The following LMBRD1 variants were observed in gnomAD, a reference collection of about 807,000 sequenced individuals.
The protein encoded by LMBRD1 is lysosomal cobalamin transport escort protein LMBD1.
In LMBRD1, 64 loss-of-function variants were observed where a neutral mutation model predicts 74.8. The observed-to-expected ratio is 0.86, with a 90% CI of 0.70 to 1.05. The LOEUF (loss-of-function observed/expected upper bound fraction) is 1.05, where lower values mean the gene tolerates loss of function less well. Among genes scored for constraint, LMBRD1 ranks in the 50% least tolerant of loss-of-function variants. The pLI, the probability that LMBRD1 is intolerant of heterozygous loss-of-function variation, is 0.00. For missense variants in LMBRD1, 652 were observed against 645.9 expected, an observed-to-expected ratio of 1.01 and a Z score of -0.10; for synonymous variants, 204 against 216.3, an observed-to-expected ratio of 0.94 and a Z score of 0.50.
chr6:69,682,100 G>A (rs12175229), intron 14 of LMBRD1, among the ~76,000 whole-genome samples: 51,041 of 151,250 alleles, frequency 0.34, 9,653 homozygotes, highest in East Asian at 0.54. Flanking sequence ...AAAAGATTTC[G>A]GAAACTAATG....
At chr6:69,768,963 GT>G (rs1357363888) in intron 3 of LMBRD1, among the ~76,000 whole-genome samples, 1 of 151,374 alleles carries the variant, frequency 6.6e-6, no homozygotes, top group East Asian at 1.9e-4. Flanking sequence ...TTAAATTTTT[GT>G]CTTTGGCTTT....
At chr6:69,779,779 A>G (rs895106172) in intron 3 of LMBRD1, among the ~76,000 whole-genome samples, 1 of 152,246 alleles carries the variant, frequency 6.6e-6, no homozygotes, top group African/African-American at 2.4e-5. Flanking sequence ...TTCCTGTTGT[A>G]GAAAACAGAA....
intron 3 of LMBRD1, among the ~76,000 whole-genome samples, chr6:69,755,588 TAAAAAAA>T (rs75543340): frequency 5.3e-5 from 7 of 132,844 alleles, no homozygotes; most frequent in Non-Finnish European, 1.1e-4. Context: ...TCCCAGAACT[TAAAAAAA>T]AAAAAAAAAA....
chr6:69,738,009 A>G lies in LMBRD1; in HGVS notation c.569T>C (p.Leu190Ser). The part of the protein sequence containing the change: ...LFEELGSSHG[L>S]AALSFSISSL... Reference sequence around the variant, plus strand: ...ACTGATAGAAAATGACAATGCAGCTAAACCATCTGTGAAGAAAGAAAAACT... The same window carrying G: ...ACTGATAGAAAATGACAATGCAGCTGAACCATCTGTGAAGAAAGAAAAACT... Residue 190 changes from leucine to serine, a missense_variant, in exon 7 of 16, where the codon TTA (leucine) becomes TCA (serine). Leu to Ser is a moderately radical substitution (Grantham distance 145). Coordinates refer to ENST00000649934, the MANE Select transcript of LMBRD1 (RefSeq NM_018368.4). 1 of 1,607,714 alleles carries G rather than the reference A, an allele frequency of 6.2e-7. No homozygotes were observed. Among genetic ancestry groups the G allele is most frequent in the Non-Finnish European group, 8.5e-7 (1 of 1,175,820 alleles).
intron 7 of LMBRD1, among the ~76,000 whole-genome samples, chr6:69,727,154 T>C (rs72910810): frequency 0.34 from 51,321 of 151,992 alleles, 9,730 homozygotes; most frequent in East Asian, 0.54. Flanking sequence ...TGAAACTCTG[T>C]CTCAAAAGTA....
chr6:69,712,428 C>G (rs1365579428), intron 9 of LMBRD1, among the ~76,000 whole-genome samples: 1 of 128,082 alleles, frequency 7.8e-6, no homozygotes, highest in Non-Finnish European at 1.6e-5. Context: ...CTATTACTGT[C>G]AGAGTTCCTA....
intron 3 of LMBRD1, among the ~76,000 whole-genome samples, chr6:69,772,778 T>C (rs966085450): frequency 6.6e-6 from 1 of 152,192 alleles, no homozygotes; most frequent in Non-Finnish European, 1.5e-5. Flanking sequence ...CACTGAAATA[T>C]ATTATTAGAG....
At chr6:69,760,392 C>G (rs964141667) in intron 3 of LMBRD1, among the ~76,000 whole-genome samples, 1 of 151,994 alleles carries the variant, frequency 6.6e-6, no homozygotes, top group Admixed American at 6.6e-5. Context: ...AACTGAAAGG[C>G]AAAGCAAGGG....
intron 3 of LMBRD1, among the ~76,000 whole-genome samples, chr6:69,758,485 C>G (rs1765312378): frequency 6.6e-6 from 1 of 152,112 alleles, no homozygotes; most frequent in Non-Finnish European, 1.5e-5. Context: ...CTACTTGAAA[C>G]TGATACATGA....
chr6:69,741,135 C>T (rs1014821632), intron 6 of LMBRD1, among the ~76,000 whole-genome samples: 5 of 152,034 alleles, frequency 3.3e-5, no homozygotes, highest in African/African-American at 9.7e-5. Context: ...ATATCCAGTA[C>T]ATTTCTTTAA....
In LMBRD1 at chr6:69,790,347, T is replaced by G. The variant is rs1766051749; in HGVS notation, c.195A>C (p.Pro65=). Residue 65 remains proline, a synonymous_variant, in exon 2 of 16, where the codon CCA becomes CCC. Coordinates refer to ENST00000649934, the MANE Select transcript of LMBRD1 (RefSeq NM_018368.4). ...AIALITSALL[P]VDIFLVSYMK... is the part of the protein sequence containing the mutation. ...TGTAAGAAACCAAAAATATATCCAC[T>G]GGTAGAAGTGCTGATGTGATAAGTG... 1 of 1,613,358 alleles carries G rather than the reference T, an allele frequency of 6.2e-7. No homozygotes were observed. Among genetic ancestry groups the G allele is most frequent in the Non-Finnish European group, 8.5e-7 (1 of 1,179,472 alleles).
In LMBRD1 at chr6:69,754,366, A is replaced by G. The variant is rs571049020; in HGVS notation, c.308-2010T>C. ...TTATTGTGTTGGAAGAAATGACTTT[A>G]AAGAGTTGTCTTAACATTTGCTAGC... On this transcript the variant is annotated intron_variant, in intron 3 of 15. Transcript: ENST00000649934. Among the ~76,000 whole-genome samples the G allele has an allele frequency of 3.8e-3, 578 of 152,352 alleles. 1 individual carries two copies. Among genetic ancestry groups the G allele is most frequent in the Middle Eastern group, 6.8e-3 (2 of 294 alleles).
intron 3 of LMBRD1, among the ~76,000 whole-genome samples, chr6:69,767,353 G>A (rs1409504767): frequency 6.6e-6 from 1 of 151,396 alleles, no homozygotes; most frequent in Non-Finnish European, 1.5e-5. Flanking sequence ...TATCCTCTGA[G>A]CTCTGCTTGA....
chr6:69,708,542 G>C (rs1766311962), intron 9 of LMBRD1, among the ~76,000 whole-genome samples: 1 of 151,994 alleles, frequency 6.6e-6, no homozygotes, highest in Admixed American at 6.6e-5. Context: ...GCAGAGCAAG[G>C]ACTCAAACCC....
chr6:69,704,470 C>A (rs1360684611), intron 9 of LMBRD1, among the ~76,000 whole-genome samples: 1 of 151,992 alleles, frequency 6.6e-6, no homozygotes, highest in Non-Finnish European at 1.5e-5. Flanking sequence ...TATTTTGATA[C>A]CTAAATGGTC....
intron 3 of LMBRD1, among the ~76,000 whole-genome samples, chr6:69,774,705 A>G (rs1189896352): frequency 6.6e-6 from 1 of 152,090 alleles, no homozygotes; most frequent in East Asian, 1.9e-4. Context: ...AATTAAACAG[A>G]ACTCAGAAGT....
At chr6:69,713,896 A>G in intron 8 of LMBRD1, 99 bp from the exon 9 acceptor site, 1 of 1,329,170 alleles carries the variant, frequency 7.5e-7, no homozygotes, top group Admixed American at 1.9e-5. Context: ...TTCAGGATGG[A>G]CACTCTTTAG....
chr6:69,706,878 T>C (rs1046947861), intron 9 of LMBRD1, among the ~76,000 whole-genome samples: 2 of 152,158 alleles, frequency 1.3e-5, no homozygotes, highest in Non-Finnish European at 2.9e-5. Context: ...ACAAACTTAG[T>C]GGCCTGAAAC....
Position 69,741,724 on chromosome 6 carries a change from T to C in LMBRD1, c.562+65A>G. On this transcript the variant is annotated intron_variant, in intron 6 of 15. Coordinates refer to ENST00000649934, the MANE Select transcript of LMBRD1 (RefSeq NM_018368.4). ...TCTTAACAAAATACAAATAAACTGC[T>C]TCTCAAAAGTCCAAAGTATCAGGAA... 3.1e-6 allele frequency: 3 copies of C among 970,276 alleles called. No individual in the cohort carries two copies. The East Asian group carries it at 7.3e-5, about 24-fold the overall frequency. 60.1% of individuals were successfully genotyped at this position (970,276 alleles called of 1,614,324 possible). A position where few individuals can be genotyped will look rare whatever the true frequency, so the allele number is the denominator to read the frequency against.
Sources: allele counts gnomAD v4.1 joint callset (sites outside exome capture counted in the v4.1 genomes callset), GRCh38; gene constraint gnomAD v4.1.1; transcripts MANE v1.5; gene names NCBI Gene and HGNC (gene_info 2026-07-23, HGNC 2026-07-21).